The following GAS2 variants were observed in gnomAD, a reference collection of about 807,000 sequenced individuals.
GAS2 encodes growth arrest-specific protein 2.
In GAS2, 20 loss-of-function variants were observed where a neutral mutation model predicts 37.5. That is an observed-to-expected ratio of 0.53 (90% CI 0.37 to 0.77). The LOEUF is 0.77. Ranked by LOEUF, GAS2 falls within the 30% of genes least tolerant of loss-of-function variation. The probability of loss-of-function intolerance (pLI) is 0.00; values close to 1 mark genes in which losing one functional copy is unlikely to be tolerated. For missense variants in GAS2, 336 were observed against 373.4 expected (o/e 0.90, Z 0.82); for synonymous variants, 144 against 132.2 (o/e 1.09, Z -0.61).
At chr11:22,796,138 G>C (rs1049270040) in intron 7 of GAS2, among the ~76,000 whole-genome samples, 9 of 152,102 alleles carry the variant, frequency 5.9e-5, no homozygotes, top group African/African-American at 1.9e-4. Flanking sequence ...TAAACCTTCA[G>C]TCTCCTGCTG....
At chr11:22,772,229 C>G (rs903324413) in intron 7 of GAS2, among the ~76,000 whole-genome samples, 2 of 152,060 alleles carry the variant, frequency 1.3e-5, no homozygotes, top group African/African-American at 4.8e-5. Context: ...CAGCCCTGAC[C>G]CCCATTTATC....
At chr11:22,806,530 G>A (rs992066199) in intron 7 of GAS2, among the ~76,000 whole-genome samples, 33 of 152,132 alleles carry the variant, frequency 2.2e-4, no homozygotes, top group African/African-American at 7.2e-4. Context: ...TCTTTATGCT[G>A]TTTTCCATAA....
chr11:22,727,766 G>A (rs960966376), intron 4 of GAS2, among the ~76,000 whole-genome samples: 2 of 151,856 alleles, frequency 1.3e-5, no homozygotes, highest in Non-Finnish European at 2.9e-5. Context: ...AGATGTGTGC[G>A]TACATAGATA....
At chr11:22,660,620 C>G (rs116921747) in intron 1 of GAS2, among the ~76,000 whole-genome samples, 2,418 of 152,250 alleles carry the variant, frequency 0.016, 34 homozygotes, top group Non-Finnish European at 0.02. Flanking sequence ...CTGATTTCGT[C>G]TGTGACCAAA....
chr11:22,719,556 G>A (rs958021656), intron 3 of GAS2, among the ~76,000 whole-genome samples: 1 of 152,032 alleles, frequency 6.6e-6, no homozygotes, highest in African/African-American at 2.4e-5. Context: ...TACAGATGAC[G>A]TGTATCCACC....
At chr11:22,687,118 G>A (rs554108066) in intron 3 of GAS2, among the ~76,000 whole-genome samples, 1 of 152,066 alleles carries the variant, frequency 6.6e-6, no homozygotes, top group South Asian at 2.1e-4. Flanking sequence ...TTGAGCTCGG[G>A]AGTCGAGATC....
chr11:22,798,562 AG>A (rs1273516036), intron 7 of GAS2, among the ~76,000 whole-genome samples: 1 of 152,094 alleles, frequency 6.6e-6, no homozygotes, highest in Non-Finnish European at 1.5e-5. Context: ...AGTTAAAATG[AG>A]ATAGTAAATA....
intron 1 of GAS2, among the ~76,000 whole-genome samples, chr11:22,674,311 C>A (rs143988392): frequency 1.2e-3 from 188 of 151,908 alleles, no homozygotes; most frequent in African/African-American, 4.2e-3. Flanking sequence ...TGCTTCTCAC[C>A]CAGTTCTCTA....
At chr11:22,686,603 A>T (rs1197086736) in intron 3 of GAS2, among the ~76,000 whole-genome samples, 1 of 112,926 alleles carries the variant, frequency 8.9e-6, no homozygotes, top group Non-Finnish European at 1.8e-5. Flanking sequence ...AAAAAAAAAT[A>T]GCCTGGCATC....
At chr11:22,731,272 C>A in intron 4 of GAS2, 1 of 401,120 alleles carries the variant, frequency 2.5e-6, no homozygotes, top group South Asian at 1.9e-5. Context: ...TTTAAAAATA[C>A]ACACTTTTTT....
At chr11:22,716,545 C>G (rs1488209801) in intron 3 of GAS2, among the ~76,000 whole-genome samples, 2 of 151,570 alleles carry the variant, frequency 1.3e-5, no homozygotes, top group African/African-American at 4.9e-5. Flanking sequence ...GAGGCTGATG[C>G]ACGAGACTAG....
At chr11:22,797,208 T>C (rs889604445) in intron 7 of GAS2, among the ~76,000 whole-genome samples, 11 of 152,048 alleles carry the variant, frequency 7.2e-5, no homozygotes, top group African/African-American at 2.7e-4. Flanking sequence ...CTCCTACACA[T>C]ATTTCCAAGC....
chr11:22,641,492 C>T (rs765603861), intron 1 of GAS2, among the ~76,000 whole-genome samples: 25 of 150,192 alleles, frequency 1.7e-4, no homozygotes, highest in Non-Finnish European at 2.8e-4. Flanking sequence ...TGCTATCCCT[C>T]CCCCCCACAC....
chr11:22,664,087 AT>A (rs1848948015), upstream of GAS2, among the ~76,000 whole-genome samples: 1 of 152,038 alleles, frequency 6.6e-6, no homozygotes, highest in Non-Finnish European at 1.5e-5. Context: ...GTCTTTTGTC[AT>A]TTTTAACTGC....
At chr11:22,809,048 GA>G (rs1300935453) in intron 7 of GAS2, among the ~76,000 whole-genome samples, 3 of 152,166 alleles carry the variant, frequency 2.0e-5, no homozygotes, top group Admixed American at 6.5e-5. Flanking sequence ...CGTACACTGA[GA>G]ACCAGATCTT....
chr11:22,733,541 G>T (rs567501594), intron 4 of GAS2, among the ~76,000 whole-genome samples: 4 of 151,486 alleles, frequency 2.6e-5, no homozygotes, highest in Non-Finnish European at 5.9e-5. Flanking sequence ...TACATTCATG[G>T]TCTAATGCAT....
At position 22,670,340 on chromosome 11, in the gene GAS2, C is replaced by T. The variant is rs115706828; in HGVS notation, c.-21+3441C>T. ...GGGTGGTGGTAGTGATGTCCTCTCA[C>T]ACTTACTTTGAGAGGTATATAGCAT... On this transcript the variant is annotated intron_variant, in intron 1 of 7. Coordinates refer to ENST00000454584, the MANE Select transcript of GAS2 (RefSeq NM_001143830.3). Among the ~76,000 whole-genome samples the T allele has an allele frequency of 9.6e-3, 1,420 of 147,566 alleles. 20 individuals are homozygous for T. Among genetic ancestry groups the T allele is most frequent in the African/African-American group, 0.034 (1,365 of 40,080 alleles).
intron 3 of GAS2, among the ~76,000 whole-genome samples, chr11:22,706,468 A>G (rs527487065): frequency 7.2e-4 from 109 of 151,970 alleles, no homozygotes; most frequent in Non-Finnish European, 1.2e-3. Context: ...ATATCTCCCA[A>G]TGCTATCCCT....
intron 3 of GAS2, among the ~76,000 whole-genome samples, chr11:22,699,328 C>T (rs1158374572): frequency 6.6e-6 from 1 of 152,114 alleles, no homozygotes; most frequent in Non-Finnish European, 1.5e-5. Flanking sequence ...AAACTCTTTA[C>T]TATGCATTCA....
Sources: allele counts gnomAD v4.1 joint callset (sites outside exome capture counted in the v4.1 genomes callset), GRCh38; gene constraint gnomAD v4.1.1; transcripts MANE v1.5; gene names NCBI Gene and HGNC (gene_info 2026-07-23, HGNC 2026-07-21).